Variants in LINC00305 observed in about 807,000 individuals in gnomAD.
LINC00305 encodes the protein long independently transcribed non-coding RNA 305.
intron 1 of LINC00305, among the ~76,000 whole-genome samples, chr18:64,110,991 ATC>A (rs1324481055): frequency 2.6e-5 from 4 of 152,174 alleles, no homozygotes; most frequent in Non-Finnish European, 5.9e-5. Context: ...GTGCTTCAGA[ATC>A]TCTGTGTGGT....
chr18:64,111,295 G>A (rs374643371), intron 1 of LINC00305, among the ~76,000 whole-genome samples: 2 of 152,222 alleles, frequency 1.3e-5, no homozygotes, highest in East Asian at 1.9e-4. Flanking sequence ...TAGGGATTAA[G>A]GCAGGGCATT....
At chr18:64,148,873 G>C (rs2051511481) in exon 1 of LINC00305, 1 of 152,350 alleles carries the variant, frequency 6.6e-6, no homozygotes, top group South Asian at 2.1e-4. Context: ...TTGGATGCAA[G>C]GCAGGCTGGA....
chr18:64,140,499 G>A (rs1275820256), intron 1 of LINC00305, among the ~76,000 whole-genome samples: 3 of 152,160 alleles, frequency 2.0e-5, no homozygotes, highest in South Asian at 2.1e-4. Flanking sequence ...GTGAGCCACC[G>A]CACCCAGCCT....
chr18:64,135,333 G>A (rs919989253), intron 1 of LINC00305, among the ~76,000 whole-genome samples: 12 of 152,244 alleles, frequency 7.9e-5, no homozygotes, highest in Admixed American at 3.3e-4. Flanking sequence ...GTTTTGGGAG[G>A]TGGGCACAGT....
intron 1 of LINC00305, among the ~76,000 whole-genome samples, chr18:64,145,723 T>C (rs1017794063): frequency 2.0e-5 from 3 of 152,182 alleles, no homozygotes; most frequent in African/African-American, 7.2e-5. Flanking sequence ...GCCAGAACTG[T>C]ACATTATCAA....
At chr18:64,132,765 A>C (rs2051415614) in intron 1 of LINC00305, among the ~76,000 whole-genome samples, 1 of 152,154 alleles carries the variant, frequency 6.6e-6, no homozygotes, top group South Asian at 2.1e-4. Flanking sequence ...CTACCAGAGG[A>C]CAAGGGGTGT....
chr18:64,129,010 A>G (rs1004827549), intron 1 of LINC00305, among the ~76,000 whole-genome samples: 1 of 152,162 alleles, frequency 6.6e-6, no homozygotes, highest in Non-Finnish European at 1.5e-5. Context: ...TGGATCTTTT[A>G]TAAAACTTCA....
chr18:64,134,318 G>C (rs2051423156), intron 1 of LINC00305, among the ~76,000 whole-genome samples: 1 of 152,112 alleles, frequency 6.6e-6, no homozygotes, highest in African/African-American at 2.4e-5. Flanking sequence ...GAAAACAGCA[G>C]GCAAATCACA....
intron 1 of LINC00305, among the ~76,000 whole-genome samples, chr18:64,146,053 G>C (rs976543343): frequency 6.6e-6 from 1 of 151,382 alleles, no homozygotes; most frequent in Non-Finnish European, 1.5e-5. Context: ...CAAACCACAG[G>C]CTATCTTAGT....
At chr18:64,081,589 TTTTG>T (rs1164638721) in intron 3 of LINC00305, among the ~76,000 whole-genome samples, 3 of 152,334 alleles carry the variant, frequency 2.0e-5, no homozygotes, top group East Asian at 1.9e-4. Flanking sequence ...CTTAAATGGC[TTTTG>T]TTTAACATAC....
rs1043081171 is a variant in LINC00305 at position 64,126,430 on chromosome 18, A to AT, written n.314+22344dup. On this transcript the variant is annotated intron_variant and non_coding_transcript_variant, in intron 1 of 3. Transcript: ENST00000666468. ...TTATAAGATACGCTAAGGGACTACT[A>AT]TTTTTTTCTCTAAAATCGAAATAGG... 5.3e-5 allele frequency among the ~76,000 whole-genome samples: 8 copies of AT among 152,076 alleles called. 1 individual carries two copies. Among genetic ancestry groups the AT allele is most frequent in the Admixed American group, 2.0e-4 (3 of 15,252 alleles).
At position 64,141,117 on chromosome 18, in the gene LINC00305, G is replaced by A. The variant is rs1287439085; in HGVS notation, n.314+7658C>T. On this transcript the variant is annotated intron_variant and non_coding_transcript_variant, in intron 1 of 3. Transcript: ENST00000666468. ...AGCCTGAAGAAGAGTGCAGCCTGTG[G>A]ACACTCTGATTTTTGGCCTGTGAAA... Among the ~76,000 whole-genome samples the A allele has an allele frequency of 6.0e-5, 9 of 150,746 alleles. No homozygotes were observed. The South Asian group carries it at 1.3e-3, about 21-fold the overall frequency.
At chr18:64,114,801 G>A (rs368646985) in intron 1 of LINC00305, among the ~76,000 whole-genome samples, 1 of 152,244 alleles carries the variant, frequency 6.6e-6, no homozygotes, top group Non-Finnish European at 1.5e-5. Flanking sequence ...CACCTGCCTC[G>A]GCCTCCCGAA....
intron 1 of LINC00305, among the ~76,000 whole-genome samples, chr18:64,119,110 G>A (rs1329946518): frequency 4.6e-5 from 7 of 152,150 alleles, no homozygotes; most frequent in East Asian, 1.9e-4. Flanking sequence ...GAAGAGCTAC[G>A]AATCACTTAC....
At chr18:64,080,091 A>G (rs1297661908) in exon 4 of LINC00305, 1 of 180,818 alleles carries the variant, frequency 5.5e-6, no homozygotes, top group Non-Finnish European at 1.2e-5. Flanking sequence ...ATAAATGGAG[A>G]GTGAACTCTG....
chr18:64,147,458 T>C (rs1390633673), intron 1 of LINC00305: 1 of 152,208 alleles, frequency 6.6e-6, no homozygotes. Context: ...ATCTGCTCTA[T>C]CTTCTGTTTT....
intron 3 of LINC00305, among the ~76,000 whole-genome samples, chr18:64,091,997 C>G (rs1019328239): frequency 2.6e-5 from 4 of 152,210 alleles, no homozygotes; most frequent in African/African-American, 9.6e-5. Context: ...CTCCTATGCA[C>G]TGGGTGCACT....
At chr18:64,125,624 C>G (rs1012490998) in intron 1 of LINC00305, among the ~76,000 whole-genome samples, 1 of 140,974 alleles carries the variant, frequency 7.1e-6, no homozygotes, top group African/African-American at 2.6e-5. Context: ...CCATATATGT[C>G]TTAAATCTAT....
At chr18:64,123,946 G>A (rs188360024) in intron 1 of LINC00305, among the ~76,000 whole-genome samples, 6 of 152,130 alleles carry the variant, frequency 3.9e-5, no homozygotes, top group African/African-American at 1.4e-4. Flanking sequence ...CTCTCACCAC[G>A]TAATCTCTTG....
Sources: allele counts gnomAD v4.1 joint callset (sites outside exome capture counted in the v4.1 genomes callset), GRCh38; gene constraint gnomAD v4.1.1; transcripts MANE v1.5; gene names NCBI Gene and HGNC (gene_info 2026-07-23, HGNC 2026-07-21).